PLXDC2: variants seen among roughly 807,000 people sequenced by gnomAD.
PLXDC2 encodes plexin domain containing 2.
A neutral mutation model predicts 68.9 loss-of-function variants in PLXDC2; 40 were observed. That is an observed-to-expected ratio of 0.58 (90% CI 0.45 to 0.76). The LOEUF is 0.76. Ranked by LOEUF, PLXDC2 falls within the 30% of genes least tolerant of loss-of-function variation. The pLI is 0.00. For synonymous variants in PLXDC2, 243 were observed against 234.2 expected (o/e 1.04, Z -0.34); for missense variants, 644 against 661.9 (o/e 0.97, Z 0.30).
intron 7 of PLXDC2, among the ~76,000 whole-genome samples, chr10:20,172,465 G>C (rs1470778858): frequency 2.0e-5 from 3 of 152,066 alleles, no homozygotes; most frequent in South Asian, 4.1e-4. Context: ...TGCTGGTTAC[G>C]ATTCTCTCTT....
chr10:19,945,012 C>T (rs948566291), intron 1 of PLXDC2, among the ~76,000 whole-genome samples: 1 of 152,152 alleles, frequency 6.6e-6, no homozygotes, highest in Non-Finnish European at 1.5e-5. Context: ...TTTCCGTTTG[C>T]CTTGTTTGAA....
chr10:19,882,390 A>G (rs1564617999), intron 1 of PLXDC2, among the ~76,000 whole-genome samples: 1 of 152,224 alleles, frequency 6.6e-6, no homozygotes, highest in South Asian at 2.1e-4. Context: ...GAAGCCCAGA[A>G]GAGGGTCAAC....
At chr10:20,081,643 A>G (rs915371514) in intron 4 of PLXDC2, among the ~76,000 whole-genome samples, 7 of 152,306 alleles carry the variant, frequency 4.6e-5, no homozygotes, top group African/African-American at 1.7e-4. Flanking sequence ...TAGGCATATT[A>G]TTTGCCAACA....
intron 1 of PLXDC2, among the ~76,000 whole-genome samples, chr10:19,918,361 A>G (rs1031610990): frequency 2.6e-5 from 4 of 152,210 alleles, no homozygotes; most frequent in African/African-American, 7.2e-5. Context: ...GGAGCTTCCT[A>G]TAAGCCTAAG....
rs767080829 is a variant in PLXDC2, at chr10:20,146,260, A to ATACT, written c.665-1521_665-1518dup. Among the ~76,000 whole-genome samples the ATACT allele has an allele frequency of 7.9e-5, 12 of 152,234 alleles. No individual in the cohort carries two copies. The South Asian group carries it at 1.0e-3, about 13-fold the overall frequency. On this transcript the variant is annotated intron_variant, in intron 5 of 13. Transcript: ENST00000377252. ...GGCATTTCACAATCAGAAAATTCCT[A>ATACT]TACTTATAAAATCATGGGAGGTTTC...
rs139672116 is a variant in PLXDC2, at chr10:19,828,616, C to T, written c.112+11425C>T. Among the ~76,000 whole-genome samples the T allele has an allele frequency of 4.3e-4, 65 of 152,274 alleles. 1 individual carries two copies. The highest frequency in any genetic ancestry group is 1.5e-3 in the African/African-American group (64 of 41,546). On this transcript the variant is annotated intron_variant, in intron 1 of 13. Transcript: ENST00000377252. The stretch of plus-strand genomic sequence containing the variant: ...CATTTCAGATATTTTTAAAAACAAG[C>T]AAGATTTAAAGTCATTCTGCACATG...
At chr10:19,864,892 T>A (rs1260152725) in intron 1 of PLXDC2, among the ~76,000 whole-genome samples, 4 of 152,028 alleles carry the variant, frequency 2.6e-5, no homozygotes, top group Admixed American at 1.3e-4. Context: ...CGGGGCTTCC[T>A]CCCCTGAGTT....
intron 3 of PLXDC2, among the ~76,000 whole-genome samples, chr10:20,055,003 A>AT (rs905323242): frequency 2.6e-5 from 4 of 152,170 alleles, no homozygotes; most frequent in African/African-American, 4.8e-5. Context: ...TGGCTTAAAT[A>AT]TTTTTTTATC....
chr10:20,265,753 G>A (rs895762744), intron 13 of PLXDC2, among the ~76,000 whole-genome samples: 1 of 152,108 alleles, frequency 6.6e-6, no homozygotes, highest in Admixed American at 6.6e-5. Context: ...TAGAGTAGAG[G>A]GTTGTGACTG....
intron 1 of PLXDC2, among the ~76,000 whole-genome samples, chr10:19,870,887 A>G (rs138674332): frequency 5.3e-5 from 8 of 152,332 alleles, no homozygotes; most frequent in African/African-American, 1.7e-4. Flanking sequence ...TACATGCATG[A>G]TCTCATGTAA....
intron 12 of PLXDC2, among the ~76,000 whole-genome samples, chr10:20,226,342 T>C (rs530373678): frequency 6.6e-6 from 1 of 152,344 alleles, no homozygotes. Context: ...GTGTATTTTA[T>C]GTGTGGTCCA....
chr10:20,064,727 T>C (rs1836172574), intron 3 of PLXDC2, among the ~76,000 whole-genome samples: 1 of 152,120 alleles, frequency 6.6e-6, no homozygotes, highest in South Asian at 2.1e-4. Flanking sequence ...CAGCTAGAAA[T>C]CTTAGAAACC....
intron 1 of PLXDC2, among the ~76,000 whole-genome samples, chr10:19,836,376 C>T (rs1325746609): frequency 6.6e-6 from 1 of 152,146 alleles, no homozygotes; most frequent in Non-Finnish European, 1.5e-5. Flanking sequence ...GTTAGGATCA[C>T]TGTCTCAACA....
At chr10:20,075,526 C>A (rs1168268362) in intron 4 of PLXDC2, among the ~76,000 whole-genome samples, 2 of 152,126 alleles carry the variant, frequency 1.3e-5, no homozygotes, top group Non-Finnish European at 1.5e-5. Flanking sequence ...ATATTCACAA[C>A]CACTTGTTTC....
At chr10:19,992,428 T>G (rs903972565) in intron 1 of PLXDC2, among the ~76,000 whole-genome samples, 3 of 152,246 alleles carry the variant, frequency 2.0e-5, no homozygotes, top group Non-Finnish European at 4.4e-5. Context: ...AGGTTATCTG[T>G]GGATTATGGC....
At chr10:19,993,184 A>G (rs11011723) in intron 1 of PLXDC2, among the ~76,000 whole-genome samples, 20,075 of 152,218 alleles carry the variant, frequency 0.13, 1,679 homozygotes, top group Non-Finnish European at 0.18. Flanking sequence ...ATAATCATTA[A>G]TACAGTTTTA....
intron 3 of PLXDC2, among the ~76,000 whole-genome samples, chr10:20,054,450 G>A (rs1179485262): frequency 1.3e-5 from 2 of 151,990 alleles, no homozygotes; most frequent in African/African-American, 2.4e-5. Flanking sequence ...ACGGATGGAA[G>A]AATGGGTAGA....
At position 20,147,092 on chromosome 10, in the gene PLXDC2, G is replaced by A. The variant is rs117360835; in HGVS notation, c.665-692G>A. ...CTGGTGACTATTAAACTATGTTTCA[G>A]TTTTTATTTCATGCCCAATCGTTTA... On this transcript the variant is annotated intron_variant, in intron 5 of 13. Transcript: ENST00000377252. 8.5e-4 allele frequency among the ~76,000 whole-genome samples: 129 copies of A among 152,174 alleles called. 2 individuals are homozygous for A. The East Asian group carries it at 0.024, about 29-fold the overall frequency.
chr10:19,983,418 T>G (rs1834585968), intron 1 of PLXDC2, among the ~76,000 whole-genome samples: 1 of 152,208 alleles, frequency 6.6e-6, no homozygotes. Context: ...AGGTTTTGTA[T>G]TGTTTGTTTT....
Sources: allele counts gnomAD v4.1 joint callset (sites outside exome capture counted in the v4.1 genomes callset), GRCh38; gene constraint gnomAD v4.1.1; transcripts MANE v1.5; gene names NCBI Gene and HGNC (gene_info 2026-07-23, HGNC 2026-07-21).